The following STK3 variants were observed in gnomAD, a reference collection of about 807,000 sequenced individuals.
STK3 encodes serine/threonine-protein kinase 3.
A neutral mutation model predicts 58.0 loss-of-function variants in STK3; 41 were observed. The ratio of observed to expected loss-of-function variants is 0.71; its 90% CI spans 0.55 to 0.92. The LOEUF is 0.92. Ranked by LOEUF, STK3 falls within the 40% of genes least tolerant of loss-of-function variation. STK3 has a pLI of 0.00. For synonymous variants in STK3, 170 were observed against 191.0 expected (o/e 0.89, Z 0.91); for missense variants, 479 against 602.7 (o/e 0.79, Z 2.15).
At chr8:98,853,666 T>C (rs1836562663) in intron 3 of STK3, among the ~76,000 whole-genome samples, 1 of 152,226 alleles carries the variant, frequency 6.6e-6, no homozygotes, top group South Asian at 2.1e-4. Flanking sequence ...ACAATGCTAG[T>C]GCTGATTCAT....
At chr8:98,767,421 A>G in intron 2 of STK3, 50 bp from the exon 3 acceptor site, 1 of 1,500,224 alleles carries the variant, frequency 6.7e-7, no homozygotes, top group Non-Finnish European at 8.9e-7. Context: ...TCGTAACTAT[A>G]AGATTAAAAG....
At chr8:98,748,078 A>G (rs1829756796) in intron 4 of STK3, among the ~76,000 whole-genome samples, 1 of 152,200 alleles carries the variant, frequency 6.6e-6, no homozygotes, top group African/African-American at 2.4e-5. Flanking sequence ...AAATTGTAAC[A>G]TTAACACTTA....
intron 10 of STK3, among the ~76,000 whole-genome samples, chr8:98,468,945 C>T (rs1412853985): frequency 6.6e-6 from 1 of 152,152 alleles, no homozygotes; most frequent in Admixed American, 6.5e-5. Flanking sequence ...CCTGTCTCTA[C>T]TAAAAATACA....
intron 1 of STK3, among the ~76,000 whole-genome samples, chr8:98,793,756 C>A (rs1587639181): frequency 6.6e-6 from 1 of 151,738 alleles, no homozygotes; most frequent in Non-Finnish European, 1.5e-5. Context: ...TTCTCGTCTG[C>A]ACATGGAAGA....
At chr8:98,411,680 C>T (rs1331369246) in intron 3 of STK3, among the ~76,000 whole-genome samples, 2 of 152,202 alleles carry the variant, frequency 1.3e-5, no homozygotes, top group South Asian at 2.1e-4. Context: ...AAGTTACTTA[C>T]TCCAAAATTT....
intron 3 of STK3, among the ~76,000 whole-genome samples, chr8:98,766,760 C>A (rs1473304080): frequency 5.9e-5 from 9 of 152,126 alleles, no homozygotes; most frequent in Admixed American, 5.9e-4. Flanking sequence ...GCTGTAAGTC[C>A]TAAAGACACT....
At chr8:98,512,504 G>A (rs1054268218) in intron 10 of STK3, among the ~76,000 whole-genome samples, 2 of 152,132 alleles carry the variant, frequency 1.3e-5, no homozygotes, top group Middle Eastern at 3.2e-3. Context: ...AACAATATGT[G>A]CCACATGTGA....
intron 2 of STK3, among the ~76,000 whole-genome samples, chr8:98,374,170 C>A (rs1412856123): frequency 6.6e-6 from 1 of 152,140 alleles, no homozygotes; most frequent in African/African-American, 2.4e-5. Context: ...TTAGAAAGTG[C>A]AGAAGGTTGA....
At chr8:98,420,198 T>A (rs1183961758) in intron 3 of STK3, among the ~76,000 whole-genome samples, 1 of 152,178 alleles carries the variant, frequency 6.6e-6, no homozygotes, top group Admixed American at 6.5e-5. Context: ...TCTCTTGCTG[T>A]CCCATCCAGG....
chr8:98,582,160 C>T (rs986526752), intron 7 of STK3, among the ~76,000 whole-genome samples: 1 of 152,058 alleles, frequency 6.6e-6, no homozygotes, highest in African/African-American at 2.4e-5. Context: ...TAATTTCTGT[C>T]TTCTCATTAC....
At chr8:98,434,579 G>C (rs1818417851) in intron 2 of STK3, among the ~76,000 whole-genome samples, 1 of 152,196 alleles carries the variant, frequency 6.6e-6, no homozygotes, top group Admixed American at 6.5e-5. Context: ...CTTGTCAATA[G>C]CACCATCCTC....
chr8:98,663,527 A>G (rs1822119384), intron 6 of STK3, among the ~76,000 whole-genome samples: 2 of 152,182 alleles, frequency 1.3e-5, no homozygotes, highest in South Asian at 4.1e-4. Context: ...CTGGGTATAT[A>G]CCCAAAAGAT....
At chr8:98,817,066 G>T (rs1834600344) in intron 1 of STK3, among the ~76,000 whole-genome samples, 1 of 152,094 alleles carries the variant, frequency 6.6e-6, no homozygotes, top group Non-Finnish European at 1.5e-5. Flanking sequence ...TTTTAAAATA[G>T]CAGGTTACCA....
rs182298027 is a variant in STK3 at position 98,508,967 on chromosome 8, C to G, written c.1317+17775G>C. On this transcript the variant is annotated intron_variant, in intron 10 of 10. Transcript: ENST00000419617. ...ACCTTATAAATTGAGTAAACAAAAA[C>G]TCAGGGAAACTCATCTAAAAAAATA... is the stretch of plus-strand genomic sequence containing the variant. Among the ~76,000 whole-genome samples the G allele has an allele frequency of 9.1e-4, 139 of 152,054 alleles. 1 individual carries two copies. The highest frequency in any genetic ancestry group is 6.8e-3 in the Middle Eastern group (2 of 294).
chr8:98,735,157 G>C (rs1227876012), intron 4 of STK3, among the ~76,000 whole-genome samples: 1 of 152,042 alleles, frequency 6.6e-6, no homozygotes, highest in African/African-American at 2.4e-5. Context: ...TGAATAAAGA[G>C]GTAGGGTAAT....
At chr8:98,633,591 G>A (rs1208253153) in intron 6 of STK3, 3 of 744,230 alleles carry the variant, frequency 4.0e-6, no homozygotes, top group Non-Finnish European at 5.0e-6. Context: ...CTTTCAGTCA[G>A]CAGTCTCAGT....
At chr8:98,705,211 A>G (rs1825880660) in intron 6 of STK3, among the ~76,000 whole-genome samples, 1 of 152,144 alleles carries the variant, frequency 6.6e-6, no homozygotes, top group African/African-American at 2.4e-5. Context: ...GCTTGAGCCC[A>G]GAAGTTGGAG....
rs184514073 is a variant in STK3, at chr8:98,836,356, G to T, written c.110+47291C>A. ...TTCCCCGTGTCTTCACATGGTAGAAGAGGTAAACAGCTTCCTCAGACCTCT... is the reference window on the plus strand; with the variant it reads ...TTCCCCGTGTCTTCACATGGTAGAATAGGTAAACAGCTTCCTCAGACCTCT... On this transcript the variant is annotated intron_variant, in intron 3 of 12. Transcript: ENST00000523601. Among the ~76,000 whole-genome samples the T allele has an allele frequency of 8.5e-5, 13 of 152,336 alleles. No homozygotes were observed. The East Asian group carries it at 2.1e-3, about 25-fold the overall frequency.
chr8:98,723,638 A>G (rs1827598268), intron 4 of STK3, among the ~76,000 whole-genome samples: 1 of 152,200 alleles, frequency 6.6e-6, no homozygotes, highest in African/African-American at 2.4e-5. Flanking sequence ...CCTTTTGGAC[A>G]TAATTACTTA....
Sources: allele counts gnomAD v4.1 joint callset (sites outside exome capture counted in the v4.1 genomes callset), GRCh38; gene constraint gnomAD v4.1.1; transcripts MANE v1.5; gene names NCBI Gene and HGNC (gene_info 2026-07-23, HGNC 2026-07-21).